The following LRRC32 variants were observed in gnomAD, a reference collection of about 807,000 sequenced individuals.
The protein encoded by LRRC32 is transforming growth factor beta activator LRRC32.
A neutral mutation model predicts 15.0 loss-of-function variants in LRRC32; 5 were observed. The ratio of observed to expected loss-of-function variants is 0.33; its 90% CI spans 0.17 to 0.70. LRRC32 has a LOEUF of 0.70. Among genes scored for constraint, LRRC32 ranks in the 30% least tolerant of loss-of-function variants. The pLI, the probability that LRRC32 is intolerant of heterozygous loss-of-function variation, is 0.66. For synonymous variants in LRRC32, 391 were observed against 403.9 expected, an observed-to-expected ratio of 0.97 and a Z score of 0.38; for missense variants, 803 against 854.2, an observed-to-expected ratio of 0.94 and a Z score of 0.75.
Position 76,660,295 on chromosome 11 carries a change from G to A in LRRC32, c.1298C>T (p.Pro433Leu), listed in dbSNP as rs757329972. 1.9e-6 allele frequency: 3 copies of A among 1,586,636 alleles called. No homozygotes were observed. Among genetic ancestry groups the A allele is most frequent in the Middle Eastern group, 1.7e-4 (1 of 5,896 alleles). Residue 433 changes from proline to leucine, a missense_variant, in exon 3 of 3, where the codon CCC becomes CTC. By Grantham distance (98) the Pro-to-Leu change is moderately conservative (BLOSUM62 -3). Coordinates refer to ENST00000260061, the MANE Select transcript of LRRC32 (RefSeq NM_001128922.2). The part of the protein sequence containing the change: ...SPCGGPDEPG[P>L]SGCVAFSGIT... ...GCCGGAGAAGGCCACACAGCCGGAG[G>A]GGCCAGGCTCATCTGGCCCCCCACA...
intron 2 of LRRC32, among the ~76,000 whole-genome samples, chr11:76,662,221 G>A (rs1565405130): frequency 6.6e-6 from 1 of 152,174 alleles, no homozygotes; most frequent in Non-Finnish European, 1.5e-5. Flanking sequence ...GGCCCCTGGA[G>A]GTGGGAAGGG....
chr11:76,659,879 G>A lies in LRRC32; in HGVS notation c.1714C>T (p.Pro572Ser), dbSNP rs760708111. 4.3e-6 allele frequency: 7 copies of A among 1,614,006 alleles called. No homozygotes were observed. The highest frequency in any genetic ancestry group is 2.5e-6 in the Non-Finnish European group (3 of 1,180,018). ...SLRRLYLQGN[P>S]LSCCGNGWLA... is the part of the protein sequence containing the mutation. Reference sequence around the variant, plus strand: ...CAGCCATTGCCGCAGCAGCTGAGTGGATTCCCCTGCAGGTAGAGGCGCCGG... The same window carrying A: ...CAGCCATTGCCGCAGCAGCTGAGTGAATTCCCCTGCAGGTAGAGGCGCCGG... The change falls in exon 3 of 3, where the codon CCA (proline) becomes TCA (serine). Residue 572 changes from proline (P) to serine (S), a missense_variant. Transcript: ENST00000260061.
rs1416875839 is a variant in LRRC32 at position 76,660,444 on chromosome 11, T to C, written c.1149A>G (p.Arg383=). Residue 383 remains arginine, a synonymous_variant, in exon 3 of 3, where the codon AGA becomes AGG. Coordinates refer to ENST00000260061, the MANE Select transcript of LRRC32 (RefSeq NM_001128922.2). The part of the protein sequence containing the change: ...NALETLELGA[R]ALGSLRTLLL... ...GCAGCGTCCGCAGAGACCCCAGGGC[T>C]CTGGCGCCCAGTTCCAGTGTCTCCA... 2 of 1,613,766 alleles carry C rather than the reference T, an allele frequency of 1.2e-6. No homozygotes were observed. The highest frequency in any genetic ancestry group is 1.7e-5 in the Admixed American group (1 of 59,950).
Position 76,660,378 on chromosome 11 carries a change from G to T in LRRC32, c.1215C>A (p.Thr405=). 2 of 1,613,646 alleles carry T rather than the reference G, an allele frequency of 1.2e-6. No individual in the cohort carries two copies. Among genetic ancestry groups the T allele is most frequent in the Non-Finnish European group, 1.7e-6 (2 of 1,179,872 alleles). ...GNALRDLPPY[T]FANLASLQRL... ...GCTGCAGGCTGGCCAGATTGGCAAA[G>T]GTGTATGGGGGCAGGTCCCGCAGGG... is the stretch of plus-strand genomic sequence containing the variant. Residue 405 remains threonine (T), a synonymous_variant, in exon 3 of 3, where the codon ACC becomes ACA. Coordinates refer to ENST00000260061, the MANE Select transcript of LRRC32 (RefSeq NM_001128922.2).
rs761862218 is a variant in LRRC32, at chr11:76,660,662, C to T, written c.931G>A (p.Gly311Ser). Residue 311 changes from glycine (G) to serine (S), a missense_variant, in exon 3 of 3, where the codon GGC (glycine) becomes AGC (serine). Gly to Ser is a moderately conservative substitution (Grantham distance 56). Transcript: ENST00000260061. ...PLSAPSGNAS[G>S]RPLSQLLNLD... ...TTCAAGAGCTGGGAAAGGGGGCGGC[C>T]GCTGGCATTCCCGCTGGGGGCTGAG... is the stretch of plus-strand genomic sequence containing the variant. 1.6e-5 allele frequency: 26 copies of T among 1,613,958 alleles called. No individual in the cohort carries two copies. In the Admixed American group the frequency reaches 2.0e-4, roughly 12 times the overall value.
In LRRC32 at chr11:76,660,690, G is replaced by C. The variant is rs142185267; in HGVS notation, c.903C>G (p.Pro301=). The C allele has an allele frequency of 2.9e-4, 462 of 1,614,114 alleles. No homozygotes were observed. The African/African-American group carries it at 5.5e-3, about 19-fold the overall frequency. Residue 301 remains proline, a synonymous_variant, in exon 3 of 3, where the codon CCC becomes CCG. Coordinates refer to ENST00000260061, the MANE Select transcript of LRRC32 (RefSeq NM_001128922.2). The stretch of plus-strand genomic sequence containing the variant: ...TGGCATTCCCGCTGGGGGCTGAGAG[G>C]GGCAGGGCTGACCAGCCCTCGGAAG... ...HAPSEGWSAL[P]LSAPSGNASG... is the part of the protein sequence containing the mutation.
Position 76,660,756 on chromosome 11 carries a change from G to C in LRRC32, c.837C>G (p.Leu279=). Residue 279 remains leucine, a synonymous_variant, in exon 3 of 3, where the codon CTC becomes CTG. Coordinates refer to ENST00000260061, the MANE Select transcript of LRRC32 (RefSeq NM_001128922.2). ...YLNLSNNLIR[L]PTGPPQDSKG... ...TGCTGTCCTGGGGTGGCCCTGTGGGGAGCCGGATGAGGTTGTTGGACAAGT... is the reference window on the plus strand; with the variant it reads ...TGCTGTCCTGGGGTGGCCCTGTGGGCAGCCGGATGAGGTTGTTGGACAAGT... 1 of 1,614,162 alleles carries C rather than the reference G, an allele frequency of 6.2e-7. No individual in the cohort carries two copies. The highest frequency in any genetic ancestry group is 8.5e-7 in the Non-Finnish European group (1 of 1,180,024).
chr11:76,664,972 G>A (rs993243373), intron 2 of LRRC32, among the ~76,000 whole-genome samples: 25 of 152,212 alleles, frequency 1.6e-4, no homozygotes, highest in Admixed American at 1.3e-3. Context: ...AGCAGCTGCC[G>A]GTTCTGTGTC....
At position 76,661,366 on chromosome 11, in the gene LRRC32, C is replaced by T. The variant is rs778150399; in HGVS notation, c.227G>A (p.Arg76His). ...CTCATTGGTGCTCAGGTCCAGGTGACGAAGTGCTGTGTAGAAGCCCAGGGG... is the reference window on the plus strand; with the variant it reads ...CTCATTGGTGCTCAGGTCCAGGTGATGAAGTGCTGTGTAGAAGCCCAGGGG... ...ASPLGFYTAL[R>H]HLDLSTNEIS... The change falls in exon 3 of 3, where the codon CGT becomes CAT. Residue 76 changes from arginine (R) to histidine (H), a missense_variant. Arg to His is a conservative substitution (Grantham distance 29). Coordinates refer to ENST00000260061, the MANE Select transcript of LRRC32 (RefSeq NM_001128922.2). 7.4e-6 allele frequency: 12 copies of T among 1,614,062 alleles called. No homozygotes were observed. The highest frequency in any genetic ancestry group is 1.6e-4 in the Middle Eastern group (1 of 6,084).
At chr11:76,663,726 C>T (rs1952577682) in intron 2 of LRRC32, 1 of 152,398 alleles carries the variant, frequency 6.6e-6, no homozygotes, top group African/African-American at 2.4e-5. Flanking sequence ...ATAGCCTCCT[C>T]CTCACAGCCC....
At chr11:76,669,625 G>A (rs1301595099) in intron 1 of LRRC32, 1 of 152,062 alleles carries the variant, frequency 6.6e-6, no homozygotes, top group Admixed American at 6.6e-5. Flanking sequence ...GCTCATAAGG[G>A]CTTTGGAGCT....
rs770447870 is a variant in LRRC32, at chr11:76,660,385, G to A, written c.1208C>T (p.Pro403Leu). 1 of 1,613,644 alleles carries A rather than the reference G, an allele frequency of 6.2e-7. No homozygotes were observed. The highest frequency in any genetic ancestry group is 1.1e-5 in the South Asian group (1 of 91,004). ...LQGNALRDLPPYTFANLASLQ... is the reference protein window; with the variant it reads ...LQGNALRDLPLYTFANLASLQ... Reference sequence around the variant, plus strand: ...GCTGGCCAGATTGGCAAAGGTGTATGGGGGCAGGTCCCGCAGGGCATTGCC... The same window carrying A: ...GCTGGCCAGATTGGCAAAGGTGTATAGGGGCAGGTCCCGCAGGGCATTGCC... Residue 403 changes from proline to leucine, a missense_variant, in exon 3 of 3, where the codon CCA (proline) becomes CTA (leucine). Physicochemically the swap from Pro to Leu is moderately conservative, Grantham distance 98 (BLOSUM62 -3). Transcript: ENST00000260061.
At chr11:76,667,201 A>G (rs1223216273) in intron 1 of LRRC32, among the ~76,000 whole-genome samples, 1 of 152,196 alleles carries the variant, frequency 6.6e-6, no homozygotes. Flanking sequence ...CAAAAATTCA[A>G]TGACTTGGTT....
In LRRC32 at chr11:76,658,410, C is replaced by T. The variant is rs903701009; in HGVS notation, c.*1194G>A. ...AACAGGCAGAGAAGGAGGAGAGCGC[C>T]TGCAGCTGCCTGCCTGGGAGAGAGG... is the stretch of plus-strand genomic sequence containing the variant. On this transcript the variant is annotated 3_prime_UTR_variant, in exon 3 of 3. Transcript: ENST00000260061. 2.6e-5 allele frequency: 4 copies of T among 152,730 alleles called. No individual in the cohort carries two copies. The highest frequency in any genetic ancestry group is 9.6e-5 in the African/African-American group (4 of 41,468). 9.5% of individuals were successfully genotyped at this position (152,730 alleles called of 1,614,324 possible).
At chr11:76,670,294 T>C (rs1310866915) in intron 1 of LRRC32, among the ~76,000 whole-genome samples, 1 of 152,210 alleles carries the variant, frequency 6.6e-6, no homozygotes, top group Non-Finnish European at 1.5e-5. Flanking sequence ...GCAGGAAACC[T>C]GAATTCAAAT....
chr11:76,669,372 TGTGTGTGTGTGTGTGA>T (rs909235720), intron 1 of LRRC32, among the ~76,000 whole-genome samples: 8 of 148,124 alleles, frequency 5.4e-5, no homozygotes, highest in Non-Finnish European at 7.5e-5. Context: ...TGTGTGTGTG[TGTGTGTGTGTGTGTGA>T]GAGAGAGAGA....
chr11:76,668,985 G>A (rs1226622706), intron 1 of LRRC32, among the ~76,000 whole-genome samples: 1 of 152,118 alleles, frequency 6.6e-6, no homozygotes, highest in Non-Finnish European at 1.5e-5. Flanking sequence ...TCTCAAAAAG[G>A]AGGACGGTGT....
Position 76,659,739 on chromosome 11 carries a change from A to G in LRRC32, c.1854T>C (p.Cys618=). The G allele has an allele frequency of 1.2e-6, 2 of 1,614,154 alleles. No homozygotes were observed. The highest frequency in any genetic ancestry group is 1.7e-6 in the Non-Finnish European group (2 of 1,180,020). Residue 618 remains cysteine, a synonymous_variant, in exon 3 of 3, where the codon TGT becomes TGC. Coordinates refer to ENST00000260061, the MANE Select transcript of LRRC32 (RefSeq NM_001128922.2). ...TGATGTTCTTCAGTCCCCCCTTCTC[A>G]CAGTCCTCGGGACGCACGTGGCTCA... ...VSLSHVRPED[C]EKGGLKNINL...
In LRRC32 at chr11:76,658,939, C is replaced by G. The variant is rs1337319704; in HGVS notation, c.*665G>C. The G allele has an allele frequency of 6.5e-6, 1 of 153,608 alleles. No individual in the cohort carries two copies. Among genetic ancestry groups the G allele is most frequent in the Non-Finnish European group, 1.5e-5 (1 of 68,880 alleles). 9.5% of individuals were successfully genotyped at this position (153,608 alleles called of 1,614,324 possible). On this transcript the variant is annotated 3_prime_UTR_variant, in exon 3 of 3. Transcript: ENST00000260061. ...ACCCCTTAACCAGACCCTGCTGGAG[C>G]CGCCGTGGCCCACCTAACAACACCA...
Sources: gnomAD v4.1 joint callset for allele counts (sites outside exome capture counted in the v4.1 genomes callset) on GRCh38, gnomAD v4.1.1 for gene constraint, MANE v1.5 for transcripts, NCBI Gene and HGNC (gene_info 2026-07-23, HGNC 2026-07-21) for gene names.